SYNJ2: variants seen among roughly 807,000 people sequenced by gnomAD.
The protein encoded by SYNJ2 is polyphosphatidylinositol phosphatase SYNJ2.
In SYNJ2, 116 loss-of-function variants were observed where a neutral mutation model predicts 141.3. The observed-to-expected ratio is 0.82, with a 90% confidence interval of 0.71 to 0.96. The LOEUF (loss-of-function observed/expected upper bound fraction) is 0.96. SYNJ2 is among the 40% of genes least tolerant of loss of function. The probability of loss-of-function intolerance (pLI) is 0.00; values close to 1 mark genes in which losing one functional copy is unlikely to be tolerated. For synonymous variants in SYNJ2, 745 were observed against 777.7 expected (o/e 0.96, Z 0.70); for missense variants, 1,873 against 1,934.8 (o/e 0.97, Z 0.60).
At chr6:158,092,272 C>T (rs1783512114) in intron 25 of SYNJ2, among the ~76,000 whole-genome samples, 1 of 152,178 alleles carries the variant, frequency 6.6e-6, no homozygotes, top group South Asian at 2.1e-4. Flanking sequence ...TGCATATGAT[C>T]TCAGGGTCTC....
chr6:157,995,206 G>A (rs372091810), intron 1 of SYNJ2, among the ~76,000 whole-genome samples: 3 of 152,154 alleles, frequency 2.0e-5, no homozygotes, highest in African/African-American at 7.2e-5. Context: ...AGACTTCTAG[G>A]GCCTTTGAGT....
intron 2 of SYNJ2, among the ~76,000 whole-genome samples, chr6:158,020,425 T>C (rs77021602): frequency 0.062 from 4,040 of 65,034 alleles, 164 homozygotes; most frequent in African/African-American, 0.22. Flanking sequence ...CCTGTGTGAC[T>C]CCAATTGTAT....
intron 3 of SYNJ2, among the ~76,000 whole-genome samples, chr6:158,031,316 T>C (rs991065826): frequency 2.0e-5 from 3 of 152,182 alleles, no homozygotes; most frequent in Admixed American, 6.5e-5. Flanking sequence ...CACCAGCACC[T>C]TTGCAAGTTC....
chr6:158,025,964 A>G (rs1338064491), intron 2 of SYNJ2, among the ~76,000 whole-genome samples: 2 of 142,404 alleles, frequency 1.4e-5, no homozygotes, highest in Non-Finnish European at 3.1e-5. Flanking sequence ...AAAAATAAAT[A>G]AATAAATAAT....
intron 2 of SYNJ2, among the ~76,000 whole-genome samples, chr6:158,020,976 C>T (rs1778738160): frequency 6.6e-6 from 1 of 152,204 alleles, no homozygotes; most frequent in Non-Finnish European, 1.5e-5. Flanking sequence ...TTCCCCTTTC[C>T]TTCCTGAAAT....
intron 1 of SYNJ2, among the ~76,000 whole-genome samples, chr6:157,996,392 G>A (rs538442384): frequency 5.9e-5 from 9 of 152,086 alleles, no homozygotes; most frequent in African/African-American, 2.2e-4. Flanking sequence ...CTAGTCTCCT[G>A]GCTCTTCCCC....
At chr6:158,008,135 T>C (rs1778139805) in intron 1 of SYNJ2, among the ~76,000 whole-genome samples, 1 of 152,128 alleles carries the variant, frequency 6.6e-6, no homozygotes, top group South Asian at 2.1e-4. Flanking sequence ...ACATCTGCTT[T>C]GTCACCTCCA....
intron 21 of SYNJ2, among the ~76,000 whole-genome samples, 193 bp from the exon 22 acceptor site, chr6:158,083,807 CA>C (rs1782858473): frequency 1.3e-5 from 2 of 152,174 alleles, no homozygotes; most frequent in African/African-American, 4.8e-5. Context: ...AGGCTACAAA[CA>C]GTGGCTATGA....
chr6:158,006,742 G>A (rs190502493), intron 1 of SYNJ2, among the ~76,000 whole-genome samples: 100 of 152,244 alleles, frequency 6.6e-4, no homozygotes, highest in Non-Finnish European at 9.7e-4. Flanking sequence ...GTGCGATCTC[G>A]GCTCACTGCA....
chr6:157,989,727 C>T (rs898847677), intron 1 of SYNJ2, among the ~76,000 whole-genome samples: 2 of 152,032 alleles, frequency 1.3e-5, no homozygotes, highest in African/African-American at 2.4e-5. Context: ...CTGAGGAAAG[C>T]GCCCCCCAGT....
intron 1 of SYNJ2, among the ~76,000 whole-genome samples, chr6:158,012,291 G>C (rs1454893477): frequency 1.3e-5 from 2 of 152,240 alleles, no homozygotes; most frequent in Non-Finnish European, 2.9e-5. Context: ...TTACATGGCA[G>C]GAGGACTTTG....
intron 2 of SYNJ2, among the ~76,000 whole-genome samples, chr6:158,022,042 C>T (rs562603131): frequency 2.7e-4 from 41 of 152,306 alleles, no homozygotes; most frequent in African/African-American, 8.9e-4. Context: ...TCATGTTCTG[C>T]AGAAGGGAGG....
At chr6:158,026,748 C>A in intron 2 of SYNJ2, 1 of 853,770 alleles carries the variant, frequency 1.2e-6, no homozygotes, top group Non-Finnish European at 1.4e-6. Context: ...TTTTCCATAG[C>A]TCTGGCAGCC....
At chr6:158,010,341 A>G (rs923529569) in intron 1 of SYNJ2, among the ~76,000 whole-genome samples, 2 of 152,206 alleles carry the variant, frequency 1.3e-5, no homozygotes, top group African/African-American at 4.8e-5. Flanking sequence ...TTTGGGGGCA[A>G]GTAGGGTGCG....
At chr6:158,091,306 A>T (rs1204252347) in intron 25 of SYNJ2, among the ~76,000 whole-genome samples, 1 of 151,760 alleles carries the variant, frequency 6.6e-6, no homozygotes, top group Admixed American at 6.6e-5. Context: ...ACAGAGCAAG[A>T]CTCCGTCTCA....
At position 158,098,285 on chromosome 6, in the gene SYNJ2, C is replaced by T. The variant is rs1248220131; in HGVS notation, c.*1921C>T. 6.6e-6 allele frequency: 1 copy of T among 152,148 alleles called. No individual in the cohort carries two copies. Among genetic ancestry groups the T allele is most frequent in the Non-Finnish European group, 1.5e-5 (1 of 68,028 alleles). 9.4% of individuals were successfully genotyped at this position (152,148 alleles called of 1,614,324 possible). ...CTCATTTTTAGGTTTTCTCTTCGTTCCAGATACCAAATAAATGGGACAGAG... is the reference window on the plus strand; with the variant it reads ...CTCATTTTTAGGTTTTCTCTTCGTTTCAGATACCAAATAAATGGGACAGAG... On this transcript the variant is annotated 3_prime_UTR_variant, in exon 27 of 27. Transcript: ENST00000355585.
chr6:158,041,749 C>T (rs796164502), intron 4 of SYNJ2, among the ~76,000 whole-genome samples: 8 of 152,340 alleles, frequency 5.3e-5, no homozygotes, highest in African/African-American at 1.9e-4. Context: ...CACTCTGTTG[C>T]CCCAGCTGGA....
At chr6:158,094,071 GC>G in intron 26 of SYNJ2, 2 of 747,914 alleles carry the variant, frequency 2.7e-6, no homozygotes, top group South Asian at 2.8e-5. Context: ...GCACGATGCT[GC>G]TTCCCCCCTA....
intron 2 of SYNJ2, among the ~76,000 whole-genome samples, chr6:158,022,913 C>T (rs1778849441): frequency 6.6e-6 from 1 of 152,178 alleles, no homozygotes; most frequent in Admixed American, 6.5e-5. Context: ...CAGCGACCCC[C>T]CACAGCCTGG....
Sources: gnomAD v4.1 joint callset for allele counts (sites outside exome capture counted in the v4.1 genomes callset) on GRCh38, gnomAD v4.1.1 for gene constraint, MANE v1.5 for transcripts, NCBI Gene and HGNC (gene_info 2026-07-23, HGNC 2026-07-21) for gene names.